Variants in CSRNP3 observed in about 807,000 individuals in gnomAD.
The protein encoded by CSRNP3 is cysteine/serine-rich nuclear protein 3.
A neutral mutation model predicts 48.0 loss-of-function variants in CSRNP3; 12 were observed. The ratio of observed to expected loss-of-function variants is 0.25; its 90% CI spans 0.16 to 0.41. The LOEUF (loss-of-function observed/expected upper bound fraction) is 0.41. Ranked by LOEUF, CSRNP3 falls within the 10% of genes least tolerant of loss-of-function variation. CSRNP3 has a pLI of 1.00. For missense variants in CSRNP3, 580 were observed against 724.4 expected (o/e 0.80, Z 2.29); for synonymous variants, 263 against 269.7 (o/e 0.98, Z 0.24).
chr2:165,574,721 A>C (rs1000440760), intron 3 of CSRNP3, among the ~76,000 whole-genome samples: 1 of 152,182 alleles, frequency 6.6e-6, no homozygotes, highest in African/African-American at 2.4e-5. Context: ...AAACATCTAG[A>C]AAAATATTGA....
intron 5 of CSRNP3, among the ~76,000 whole-genome samples, chr2:165,665,935 GAGAGGA>G (rs1483323726): frequency 6.8e-6 from 1 of 146,996 alleles, no homozygotes; most frequent in African/African-American, 2.5e-5. Flanking sequence ...GAAAGAAAGA[GAGAGGA>G]AGGAAGGAAG....
intron 4 of CSRNP3, among the ~76,000 whole-genome samples, chr2:165,612,623 C>A (rs1353508750): frequency 3.3e-5 from 5 of 151,916 alleles, no homozygotes; most frequent in African/African-American, 7.2e-5. Flanking sequence ...CTACTCTCTA[C>A]TTTTATTAGC....
chr2:165,630,578 G>A (rs1686519472), intron 4 of CSRNP3, among the ~76,000 whole-genome samples: 1 of 152,120 alleles, frequency 6.6e-6, no homozygotes, highest in Non-Finnish European at 1.5e-5. Flanking sequence ...TCCAGCCTGG[G>A]TCTCCAGGAT....
intron 4 of CSRNP3, among the ~76,000 whole-genome samples, chr2:165,596,792 G>A (rs1685818587): frequency 6.6e-6 from 1 of 152,150 alleles, no homozygotes; most frequent in Non-Finnish European, 1.5e-5. Flanking sequence ...CAGAGCAAGT[G>A]AGTTAATACA....
At chr2:165,544,441 T>C (rs929470195) in intron 3 of CSRNP3, among the ~76,000 whole-genome samples, 2 of 152,012 alleles carry the variant, frequency 1.3e-5, no homozygotes, top group East Asian at 3.9e-4. Flanking sequence ...GGGAGAACCA[T>C]TGGAGGGTTT....
intron 1 of CSRNP3, among the ~76,000 whole-genome samples, chr2:165,475,385 T>C (rs1683947254): frequency 6.6e-6 from 1 of 152,092 alleles, no homozygotes; most frequent in Non-Finnish European, 1.5e-5. Context: ...GGGGATGCCA[T>C]TATAATCCAT....
intron 4 of CSRNP3, among the ~76,000 whole-genome samples, chr2:165,655,569 G>T (rs534095173): frequency 1.3e-5 from 2 of 152,250 alleles, no homozygotes; most frequent in East Asian, 3.9e-4. Context: ...TTGAGCACTT[G>T]TATCAGTTTC....
At position 165,681,764 on chromosome 2, in the gene CSRNP3, C is replaced by CACACACACACACACACATACATAT. The variant is rs1205177409; in HGVS notation, c.*2024_*2025insCACATACATATACACACACACACA. Reference sequence around the variant, plus strand: ...ATATATATATATATATATATATACACACACACACACACATACACATATATA... The same window carrying CACACACACACACACACATACATAT: ...ATATATATATATATATATATATACACACACACACACACACACATACATATACACACACACACATACACATATATA... On this transcript the variant is annotated 3_prime_UTR_variant, in exon 7 of 7. Transcript: ENST00000651982. 5 of 42,588 alleles carry CACACACACACACACACATACATAT rather than the reference C, an allele frequency of 1.2e-4. No homozygotes were observed. The highest frequency in any genetic ancestry group is 2.8e-4 in the African/African-American group (5 of 17,816). 2.6% of individuals were successfully genotyped at this position (42,588 alleles called of 1,614,324 possible). A position where few individuals can be genotyped will look rare whatever the true frequency, so the allele number is the denominator to read the frequency against.
intron 1 of CSRNP3, among the ~76,000 whole-genome samples, chr2:165,492,934 T>TAAAA (rs374777311): frequency 1.1e-5 from 1 of 90,738 alleles, no homozygotes; most frequent in Non-Finnish European, 2.3e-5. Context: ...TCAAATTCCC[T>TAAAA]AAAAAAAAAA....
At chr2:165,581,554 T>TTTTTGGG (rs1685547327) in intron 3 of CSRNP3, among the ~76,000 whole-genome samples, 1 of 149,624 alleles carries the variant, frequency 6.7e-6, no homozygotes. Flanking sequence ...CACCTTTTTT[T>TTTTTGGG]GAGACAGAGT....
chr2:165,504,791 A>C (rs542501213), intron 2 of CSRNP3, among the ~76,000 whole-genome samples: 1 of 152,210 alleles, frequency 6.6e-6, no homozygotes, highest in South Asian at 2.1e-4. Context: ...AGAAATACAA[A>C]TTCTTTACAT....
chr2:165,476,568 T>C (rs1683965069), intron 1 of CSRNP3, among the ~76,000 whole-genome samples: 1 of 152,242 alleles, frequency 6.6e-6, no homozygotes, highest in Admixed American at 6.5e-5. Context: ...GCAGGCAGCA[T>C]GCCGGTTTCT....
At chr2:165,662,126 G>GAAAACAAAATAAA (rs1687107361) in intron 5 of CSRNP3, among the ~76,000 whole-genome samples, 1 of 151,354 alleles carries the variant, frequency 6.6e-6, no homozygotes, top group Non-Finnish European at 1.5e-5. Flanking sequence ...ATGTTATTTT[G>GAAAACAAAATAAA]GAAACAAAAT....
chr2:165,641,767 C>T (rs1686724905), intron 4 of CSRNP3, among the ~76,000 whole-genome samples: 2 of 152,126 alleles, frequency 1.3e-5, no homozygotes, highest in South Asian at 2.1e-4. Flanking sequence ...TTTTAGTTTG[C>T]TCCAAATGAT....
At chr2:165,669,674 T>C (rs1236234803) in intron 5 of CSRNP3, among the ~76,000 whole-genome samples, 1 of 152,204 alleles carries the variant, frequency 6.6e-6, no homozygotes, top group African/African-American at 2.4e-5. Flanking sequence ...TTAAGATGTT[T>C]GGTTTCCATC....
intron 3 of CSRNP3, among the ~76,000 whole-genome samples, chr2:165,523,392 A>G (rs754941345): frequency 6.6e-6 from 1 of 152,084 alleles, no homozygotes; most frequent in Non-Finnish European, 1.5e-5. Flanking sequence ...CTTCACCACC[A>G]TCCAATTTCT....
At chr2:165,678,676 G>A (rs1687469658) in intron 6 of CSRNP3, 25 bp from the exon 7 acceptor site, 5 of 1,604,434 alleles carry the variant, frequency 3.1e-6, no homozygotes, top group Non-Finnish European at 4.3e-6. Flanking sequence ...GTTCCATGGT[G>A]CTAATCTGTG....
At chr2:165,616,867 T>C (rs1010881107) in intron 4 of CSRNP3, among the ~76,000 whole-genome samples, 6 of 152,098 alleles carry the variant, frequency 3.9e-5, no homozygotes, top group Admixed American at 6.6e-5. Flanking sequence ...TTGTTTTTTG[T>C]TTTTTGGTCT....
At chr2:165,480,782 T>TATATATATAATATATATA (rs370558588) in intron 1 of CSRNP3, among the ~76,000 whole-genome samples, 2 of 143,652 alleles carry the variant, frequency 1.4e-5, no homozygotes, top group East Asian at 2.0e-4. Context: ...TTTTATATAT[T>TATATATATAATATATATA]ATATATATAA....
Sources: gnomAD v4.1 joint callset for allele counts (sites outside exome capture counted in the v4.1 genomes callset) on GRCh38, gnomAD v4.1.1 for gene constraint, MANE v1.5 for transcripts, NCBI Gene and HGNC (gene_info 2026-07-23, HGNC 2026-07-21) for gene names.